Variants in CNTNAP2 observed in about 807,000 individuals in gnomAD.
CNTNAP2 encodes the protein contactin-associated protein-like 2.
A neutral mutation model predicts 155.2 loss-of-function variants in CNTNAP2; 98 were observed. The ratio of observed to expected loss-of-function variants is 0.63; its 90% CI spans 0.54 to 0.75. The LOEUF is 0.75. Among genes scored for constraint, CNTNAP2 ranks in the 30% least tolerant of loss-of-function variants. The pLI, the probability that CNTNAP2 is intolerant of heterozygous loss-of-function variation, is 0.00. For synonymous variants in CNTNAP2, 651 were observed against 631.2 expected (o/e 1.03, Z -0.47); for missense variants, 1,727 against 1,688.1 (o/e 1.02, Z -0.40).
intron 1 of CNTNAP2, among the ~76,000 whole-genome samples, chr7:146,182,393 C>T (rs1798561562): frequency 6.6e-6 from 1 of 152,096 alleles, no homozygotes; most frequent in South Asian, 2.1e-4. Flanking sequence ...TACATATTAT[C>T]TGTACATATT....
intron 9 of CNTNAP2, among the ~76,000 whole-genome samples, chr7:147,326,065 A>G (rs567373282): frequency 3.9e-5 from 6 of 152,044 alleles, no homozygotes; most frequent in Admixed American, 6.5e-5. Context: ...TGGGACGACA[A>G]GCGCACGCCA....
chr7:148,217,432 G>A lies in CNTNAP2; in HGVS notation c.3155G>A (p.Arg1052His), dbSNP rs374739970. Residue 1052 changes from arginine (R) to histidine (H), a missense_variant, in exon 19 of 24, where the codon CGC (arginine) becomes CAC (histidine). Coordinates refer to ENST00000361727, the MANE Select transcript of CNTNAP2 (RefSeq NM_014141.6). ...CCGGACCTGGCACAGGAGGAGATCCGCTTCAGCTTCAGCACCACCAAGGCG... is the reference window on the plus strand; with the variant it reads ...CCGGACCTGGCACAGGAGGAGATCCACTTCAGCTTCAGCACCACCAAGGCG... The part of the protein sequence containing the change: ...SHPDLAQEEI[R>H]FSFSTTKAPC... 1.1e-4 allele frequency: 172 copies of A among 1,614,010 alleles called. No individual in the cohort carries two copies. Among genetic ancestry groups the A allele is most frequent in the Middle Eastern group, 1.6e-4 (1 of 6,084 alleles).
intron 1 of CNTNAP2, among the ~76,000 whole-genome samples, chr7:146,706,917 TAAAAAA>T (rs778959277): frequency 3.2e-5 from 4 of 126,754 alleles, no homozygotes; most frequent in Non-Finnish European, 7.2e-5. Context: ...ACTTAAAAGT[TAAAAAA>T]AAAAAAAAAA....
chr7:146,468,696 C>T (rs975099749), intron 1 of CNTNAP2, among the ~76,000 whole-genome samples: 2 of 151,904 alleles, frequency 1.3e-5, no homozygotes, highest in Non-Finnish European at 2.9e-5. Flanking sequence ...TTTGGAAGGT[C>T]GGTAAAAGTC....
At chr7:148,250,906 C>T (rs982577307) in intron 20 of CNTNAP2, among the ~76,000 whole-genome samples, 1 of 152,142 alleles carries the variant, frequency 6.6e-6, no homozygotes, top group Non-Finnish European at 1.5e-5. Context: ...GGAGTGCAGT[C>T]ACACAATCAC....
At position 148,091,538 on chromosome 7, in the gene CNTNAP2, A is replaced by G. The variant is rs968103321; in HGVS notation, c.2384-26580A>G. On this transcript the variant is annotated intron_variant, in intron 15 of 23. Coordinates refer to ENST00000361727, the MANE Select transcript of CNTNAP2 (RefSeq NM_014141.6). ...GCATATGGGACAAAATCATGAATTAAAAAGGCAATTTTTCTTTAGATTAAA... is the reference window on the plus strand; with the variant it reads ...GCATATGGGACAAAATCATGAATTAGAAAGGCAATTTTTCTTTAGATTAAA... Among the ~76,000 whole-genome samples, 4 of 152,334 alleles carry G rather than the reference A, an allele frequency of 2.6e-5. No individual in the cohort carries two copies. In the East Asian group the frequency reaches 7.7e-4, roughly 29 times the overall value.
At chr7:147,516,888 A>G (rs896337929) in intron 11 of CNTNAP2, among the ~76,000 whole-genome samples, 1 of 141,874 alleles carries the variant, frequency 7.0e-6, no homozygotes, top group Non-Finnish European at 1.5e-5. Context: ...TGTGTGACAT[A>G]ATCTCGCTCT....
chr7:147,518,052 G>A (rs776527961), intron 11 of CNTNAP2, among the ~76,000 whole-genome samples: 5 of 152,048 alleles, frequency 3.3e-5, no homozygotes, highest in African/African-American at 4.8e-5. Context: ...CCACCTCACC[G>A]TGTCTGTTTT....
chr7:146,331,318 TA>T (rs374883868), intron 1 of CNTNAP2, among the ~76,000 whole-genome samples: 8,538 of 141,458 alleles, frequency 0.06, 358 homozygotes, highest in African/African-American at 0.13. Context: ...AAAAAAAAAA[TA>T]AAAATAACCA....
At chr7:147,550,104 C>T (rs1219180612) in intron 11 of CNTNAP2, among the ~76,000 whole-genome samples, 1 of 152,126 alleles carries the variant, frequency 6.6e-6, no homozygotes, top group Non-Finnish European at 1.5e-5. Flanking sequence ...CCACTTTTAA[C>T]AACATAAATG....
intron 14 of CNTNAP2, among the ~76,000 whole-genome samples, chr7:147,914,966 G>C (rs1800135156): frequency 1.3e-5 from 2 of 152,172 alleles, no homozygotes; most frequent in African/African-American, 4.8e-5. Context: ...GGACTTTATG[G>C]AGGACCTGGC....
intron 21 of CNTNAP2, among the ~76,000 whole-genome samples, chr7:148,368,126 G>C (rs1798818994): frequency 6.6e-6 from 1 of 152,240 alleles, no homozygotes; most frequent in Admixed American, 6.5e-5. Flanking sequence ...GACGACTGCA[G>C]CTTCAGTGCC....
chr7:147,169,187 A>G (rs1309129323), intron 8 of CNTNAP2, among the ~76,000 whole-genome samples: 14 of 152,192 alleles, frequency 9.2e-5, no homozygotes, highest in African/African-American at 3.4e-4. Context: ...GCTTAAGAAA[A>G]CTAATAGATC....
At chr7:147,345,265 C>T (rs1795834689) in intron 9 of CNTNAP2, among the ~76,000 whole-genome samples, 1 of 152,076 alleles carries the variant, frequency 6.6e-6, no homozygotes. Flanking sequence ...TATTTGTACT[C>T]GTTTGACAGC....
chr7:147,408,592 C>G (rs1207388674), intron 10 of CNTNAP2, among the ~76,000 whole-genome samples: 2 of 152,064 alleles, frequency 1.3e-5, no homozygotes. Flanking sequence ...AACCCTGTCT[C>G]TAAAAAATAT....
At chr7:147,357,153 T>G (rs1353374066) in intron 9 of CNTNAP2, among the ~76,000 whole-genome samples, 1 of 152,172 alleles carries the variant, frequency 6.6e-6, no homozygotes, top group East Asian at 1.9e-4. Flanking sequence ...TTATTATTCT[T>G]TCTGGGTCTA....
At chr7:146,924,288 T>A (rs946626124) in intron 3 of CNTNAP2, among the ~76,000 whole-genome samples, 9 of 152,096 alleles carry the variant, frequency 5.9e-5, no homozygotes, top group African/African-American at 2.2e-4. Context: ...GATCCTGGTG[T>A]CTAGAGGTCT....
At chr7:148,006,273 C>T (rs1801977111) in intron 15 of CNTNAP2, among the ~76,000 whole-genome samples, 1 of 151,330 alleles carries the variant, frequency 6.6e-6, no homozygotes. Flanking sequence ...TGAGAAATAG[C>T]CTAGTAGCCT....
intron 8 of CNTNAP2, among the ~76,000 whole-genome samples, chr7:147,291,986 T>A (rs1280216148): frequency 6.6e-6 from 1 of 152,196 alleles, no homozygotes; most frequent in East Asian, 1.9e-4. Context: ...TATTTTAGTA[T>A]ATTCTGTTTT....
Sources: allele counts gnomAD v4.1 joint callset (sites outside exome capture counted in the v4.1 genomes callset), GRCh38; gene constraint gnomAD v4.1.1; transcripts MANE v1.5; gene names NCBI Gene and HGNC (gene_info 2026-07-23, HGNC 2026-07-21).